TNFSF13B: variants seen among roughly 807,000 people sequenced by gnomAD.
The protein encoded by TNFSF13B is TNF superfamily member 13b, also known as tumor necrosis factor ligand superfamily member 13B.
Under a neutral mutation model 29.1 loss-of-function variants are expected in TNFSF13B, and 8 were observed. That is an observed-to-expected ratio of 0.27 (90% CI 0.16 to 0.50). The LOEUF (loss-of-function observed/expected upper bound fraction) is 0.50. TNFSF13B is among the 20% of genes least tolerant of loss of function. The pLI, the probability that TNFSF13B is intolerant of heterozygous loss-of-function variation, is 0.98. For synonymous variants in TNFSF13B, 125 were observed against 130.8 expected (o/e 0.96, Z 0.30); for missense variants, 248 against 334.9 (o/e 0.74, Z 2.03).
At chr13:108,273,297 C>A (rs990814062) in intron 2 of TNFSF13B, among the ~76,000 whole-genome samples, 3 of 151,716 alleles carry the variant, frequency 2.0e-5, no homozygotes, top group African/African-American at 4.8e-5. Context: ...TGAAAAAACT[C>A]ATGGAAGAAC....
chr13:108,271,644 A>T (rs988057657), intron 2 of TNFSF13B, among the ~76,000 whole-genome samples: 8 of 152,210 alleles, frequency 5.3e-5, no homozygotes, highest in African/African-American at 1.9e-4. Flanking sequence ...TTTTTAAATT[A>T]GGAAACATGC....
chr13:108,273,989 A>G (rs1327128427), intron 2 of TNFSF13B, among the ~76,000 whole-genome samples: 1 of 152,132 alleles, frequency 6.6e-6, no homozygotes, highest in Middle Eastern at 3.2e-3. Context: ...AGAACTCTAT[A>G]ATGATCCACT....
chr13:108,280,203 C>T (rs770925521), intron 2 of TNFSF13B, among the ~76,000 whole-genome samples: 2 of 151,046 alleles, frequency 1.3e-5, no homozygotes, highest in African/African-American at 4.9e-5. Flanking sequence ...ACCATTCGAA[C>T]TTGATTATTA....
At chr13:108,288,903 G>A (rs1881221642) in intron 3 of TNFSF13B, among the ~76,000 whole-genome samples, 1 of 152,154 alleles carries the variant, frequency 6.6e-6, no homozygotes, top group African/African-American at 2.4e-5. Flanking sequence ...AATGTGAGTT[G>A]GCACTGGTAA....
At chr13:108,282,548 T>C (rs1880987194) in intron 2 of TNFSF13B, among the ~76,000 whole-genome samples, 2 of 152,236 alleles carry the variant, frequency 1.3e-5, no homozygotes, top group Non-Finnish European at 2.9e-5. Flanking sequence ...TTGTGAAGTA[T>C]TGAATTTTAT....
chr13:108,292,979 T>C (rs1881364189), intron 3 of TNFSF13B, among the ~76,000 whole-genome samples: 1 of 152,206 alleles, frequency 6.6e-6, no homozygotes, highest in Admixed American at 6.5e-5. Context: ...TTTAGTGTTA[T>C]CATTGAAGAA....
At chr13:108,271,738 G>A (rs751591148) in intron 2 of TNFSF13B, among the ~76,000 whole-genome samples, 2 of 151,516 alleles carry the variant, frequency 1.3e-5, no homozygotes, top group Non-Finnish European at 2.9e-5. Flanking sequence ...AAAATAATAC[G>A]GAATATATAC....
At chr13:108,280,836 C>T (rs377523475) in intron 2 of TNFSF13B, among the ~76,000 whole-genome samples, 2 of 151,906 alleles carry the variant, frequency 1.3e-5, no homozygotes, top group East Asian at 1.9e-4. Context: ...TGACAATGAT[C>T]AATTAGTGCT....
At chr13:108,291,598 T>A (rs1388268123) in intron 3 of TNFSF13B, among the ~76,000 whole-genome samples, 1 of 151,956 alleles carries the variant, frequency 6.6e-6, no homozygotes, top group South Asian at 2.1e-4. Context: ...AGTTGAAATG[T>A]TTTCTTTTAT....
intron 3 of TNFSF13B, among the ~76,000 whole-genome samples, chr13:108,297,028 A>T (rs985163253): frequency 1.4e-5 from 2 of 145,758 alleles, no homozygotes; most frequent in African/African-American, 5.1e-5. Context: ...TTGCCTATGT[A>T]TGTACCTTTA....
At position 108,270,074 on chromosome 13, in the gene TNFSF13B, G is replaced by C. The variant is rs1484803394; in HGVS notation, c.179G>C (p.Cys60Ser). The stretch of plus-strand genomic sequence containing the variant: ...TTGCTGCTGGCACTGCTGTCTTGCT[G>C]CCTCACGGTGGTGTCTTTCTACCAG... Reference protein sequence around the residue: ...ATLLLALLSCCLTVVSFYQVA... With the variant: ...ATLLLALLSCSLTVVSFYQVA... The change falls in exon 1 of 6, where the codon TGC (cysteine) becomes TCC (serine). Residue 60 changes from cysteine to serine, a missense_variant. Around this residue, in one of 2 missense-constraint regions of TNFSF13B, gnomAD observed 186 missense variants for 196.3 expected, o/e 0.95. Coordinates refer to ENST00000375887, the MANE Select transcript of TNFSF13B (RefSeq NM_006573.5). 2 of 1,606,924 alleles carry C rather than the reference G, an allele frequency of 1.2e-6. No individual in the cohort carries two copies. The highest frequency in any genetic ancestry group is 2.7e-5 in the African/African-American group (2 of 74,922).
At chr13:108,294,528 T>A (rs1016280311) in intron 3 of TNFSF13B, among the ~76,000 whole-genome samples, 3 of 152,082 alleles carry the variant, frequency 2.0e-5, no homozygotes, top group Non-Finnish European at 4.4e-5. Context: ...AGAGATCGTT[T>A]TACTACTCTC....
chr13:108,282,046 G>A (rs1880972838), intron 2 of TNFSF13B, among the ~76,000 whole-genome samples: 1 of 152,116 alleles, frequency 6.6e-6, no homozygotes, highest in Admixed American at 6.5e-5. Context: ...ATGAAAGTGA[G>A]GCATTGCCGT....
At chr13:108,277,561 G>C (rs993685014) in intron 2 of TNFSF13B, among the ~76,000 whole-genome samples, 1 of 152,084 alleles carries the variant, frequency 6.6e-6, no homozygotes, top group Non-Finnish European at 1.5e-5. Context: ...AATTCGGGGC[G>C]AATCCACAGG....
chr13:108,295,023 A>G (rs559697335), intron 3 of TNFSF13B, among the ~76,000 whole-genome samples: 1 of 145,492 alleles, frequency 6.9e-6, no homozygotes, highest in South Asian at 2.1e-4. Flanking sequence ...AAAGGTATAG[A>G]CATTTTATTT....
At chr13:108,271,622 T>C (rs1204590291) in intron 2 of TNFSF13B, among the ~76,000 whole-genome samples, 2 of 152,210 alleles carry the variant, frequency 1.3e-5, no homozygotes, top group African/African-American at 4.8e-5. Flanking sequence ...CAGGAATAAC[T>C]GGGCTTAAAC....
chr13:108,270,662 G>A (rs1007294701), intron 2 of TNFSF13B, among the ~76,000 whole-genome samples: 4 of 152,138 alleles, frequency 2.6e-5, no homozygotes, highest in Non-Finnish European at 4.4e-5. Context: ...TTCTCTGTGC[G>A]TGTGTAAGTA....
intron 5 of TNFSF13B, among the ~76,000 whole-genome samples, chr13:108,305,300 A>T (rs1428372682): frequency 2.0e-5 from 3 of 152,136 alleles, no homozygotes; most frequent in Admixed American, 1.3e-4. Context: ...TAAATGGCCA[A>T]CTTAAGAAAC....
At chr13:108,293,131 T>A (rs1005868745) in intron 3 of TNFSF13B, among the ~76,000 whole-genome samples, 28 of 152,160 alleles carry the variant, frequency 1.8e-4, no homozygotes, top group African/African-American at 6.3e-4. Context: ...AATCATCTTT[T>A]AGCATGAGGA....
Sources: allele counts gnomAD v4.1 joint callset (sites outside exome capture counted in the v4.1 genomes callset), GRCh38; gene constraint gnomAD v4.1.1; regional missense constraint gnomAD v4.1.1; transcripts MANE v1.5; gene names NCBI Gene and HGNC (gene_info 2026-07-23, HGNC 2026-07-21).